DBX2: variants seen among roughly 807,000 people sequenced by gnomAD.
The protein encoded by DBX2 is developing brain homeobox 2.
DBX2 carries 16 observed loss-of-function variants against 17.7 expected under a neutral mutation model. The observed-to-expected ratio is 0.90, with a 90% CI of 0.61 to 1.37. The LOEUF (loss-of-function observed/expected upper bound fraction) is 1.37. DBX2 is among the 40% of genes most tolerant of loss of function. The pLI, the probability that DBX2 is intolerant of heterozygous loss-of-function variation, is 0.00. For missense variants in DBX2, 538 were observed against 433.8 expected (o/e 1.24, Z -2.13); for synonymous variants, 255 against 183.8 (o/e 1.39, Z -3.13).
In DBX2 at chr12:45,051,028, C is replaced by A. The variant is rs1946531539; in HGVS notation, c.-101G>T. The A allele has an allele frequency of 7.7e-7, 1 of 1,290,680 alleles. No individual in the cohort carries two copies. Among genetic ancestry groups the A allele is most frequent in the Non-Finnish European group, 9.8e-7 (1 of 1,019,696 alleles). The allele number at this position is 1,290,680 out of a possible 1,614,324, so 80.0% of individuals were successfully genotyped here. ...AGCCGCAGCTTCTCGCCGCCGCCTC[C>A]CGCAGGGCTGGAGCGCGCGGAGCCA... On this transcript the variant is annotated 5_prime_UTR_variant, in exon 1 of 4. Transcript: ENST00000332700.
chr12:45,023,386 C>T (rs1239805498), intron 3 of DBX2, among the ~76,000 whole-genome samples: 1 of 152,144 alleles, frequency 6.6e-6, no homozygotes, highest in African/African-American at 2.4e-5. Context: ...AATGTAATTA[C>T]CACATCCTTA....
chr12:45,025,667 G>A (rs369713039), intron 2 of DBX2, among the ~76,000 whole-genome samples: 1 of 150,898 alleles, frequency 6.6e-6, no homozygotes, highest in East Asian at 2.0e-4. Context: ...CAGCTACTAT[G>A]TAACATAGCA....
intron 1 of DBX2, among the ~76,000 whole-genome samples, chr12:45,046,681 T>C (rs1946502126): frequency 6.6e-6 from 1 of 152,220 alleles, no homozygotes; most frequent in Non-Finnish European, 1.5e-5. Context: ...AACTACCGTT[T>C]GCAGCACCAG....
intron 2 of DBX2, among the ~76,000 whole-genome samples, chr12:45,028,665 C>T (rs1434252162): frequency 6.6e-6 from 1 of 152,110 alleles, no homozygotes; most frequent in Non-Finnish European, 1.5e-5. Context: ...GCATCGTGAA[C>T]CCAAACTAGC....
intron 3 of DBX2, among the ~76,000 whole-genome samples, chr12:45,017,735 T>C (rs1404565289): frequency 6.6e-6 from 1 of 152,228 alleles, no homozygotes; most frequent in Non-Finnish European, 1.5e-5. Context: ...CTTTATACAC[T>C]GTGTAGTCAA....
chr12:45,024,026 G>T, intron 2 of DBX2, 132 bp from the exon 3 acceptor site: 1 of 856,886 alleles, frequency 1.2e-6, no homozygotes, highest in East Asian at 3.1e-5. Context: ...CTCACTTAAA[G>T]CAGTACTTCC....
In DBX2 at chr12:45,022,005, C is replaced by G. The variant is rs114847368; in HGVS notation, c.687+1702G>C. Reference sequence around the variant, plus strand: ...CCACAGTGTCTTGCACACAACAGACCATCAAGATCTGGCTGCTGATTTATC... The same window carrying G: ...CCACAGTGTCTTGCACACAACAGACGATCAAGATCTGGCTGCTGATTTATC... On this transcript the variant is annotated intron_variant, in intron 3 of 3. Coordinates refer to ENST00000332700, the MANE Select transcript of DBX2 (RefSeq NM_001004329.3). 7.2e-3 allele frequency among the ~76,000 whole-genome samples: 1,102 copies of G among 152,216 alleles called. 12 individuals are homozygous for G. The highest frequency in any genetic ancestry group is 0.025 in the African/African-American group (1,037 of 41,528).
rs1946529117 is a variant in DBX2, at chr12:45,050,861, G to A, written c.67C>T (p.Leu23Phe). The A allele has an allele frequency of 1.3e-6, 2 of 1,536,082 alleles. No homozygotes were observed. Among genetic ancestry groups the A allele is most frequent in the Non-Finnish European group, 1.7e-6 (2 of 1,144,440 alleles). ...YWDVVASSAL[L>F]NLPAAPGFGN... Reference sequence around the variant, plus strand: ...AAGCCGGGCGCAGCGGGGAGGTTGAGGAGCGCGGAGGAAGCCACAACGTCC... The same window carrying A: ...AAGCCGGGCGCAGCGGGGAGGTTGAAGAGCGCGGAGGAAGCCACAACGTCC... The change falls in exon 1 of 4, where the codon CTC becomes TTC. Residue 23 changes from leucine (L) to phenylalanine (F), a missense_variant. Coordinates refer to ENST00000332700, the MANE Select transcript of DBX2 (RefSeq NM_001004329.3).
At chr12:45,016,646 A>G (rs373841698) in intron 3 of DBX2, 28 bp from the exon 4 acceptor site, 23 of 1,510,506 alleles carry the variant, frequency 1.5e-5, no homozygotes, top group Non-Finnish European at 1.9e-5. Flanking sequence ...GCACAAAATG[A>G]TCACTTATTC....
Position 45,016,219 on chromosome 12 carries a change from G to A in DBX2, c.*67C>T. Reference sequence around the variant, plus strand: ...CTAAGCACTGATGAGGTACAAGCTAGCTGGCATTAGAGTCCAGATGTTACT... The same window carrying A: ...CTAAGCACTGATGAGGTACAAGCTAACTGGCATTAGAGTCCAGATGTTACT... On this transcript the variant is annotated 3_prime_UTR_variant, in exon 4 of 4. Transcript: ENST00000332700. The A allele has an allele frequency of 6.8e-7, 1 of 1,475,136 alleles. No individual in the cohort carries two copies. Among genetic ancestry groups the A allele is most frequent in the Non-Finnish European group, 9.1e-7 (1 of 1,103,708 alleles). 91.4% of individuals were successfully genotyped at this position (1,475,136 alleles called of 1,614,324 possible). A position where few individuals can be genotyped will look rare whatever the true frequency, so the allele number is the denominator to read the frequency against.
At chr12:45,050,258 G>C (rs1007122312) in intron 1 of DBX2, among the ~76,000 whole-genome samples, 3 of 152,214 alleles carry the variant, frequency 2.0e-5, no homozygotes, top group Admixed American at 2.0e-4. Flanking sequence ...AAGTTAAGCA[G>C]CCCTACCACC....
chr12:45,043,853 G>A (rs1946484910), intron 1 of DBX2, among the ~76,000 whole-genome samples: 1 of 152,170 alleles, frequency 6.6e-6, no homozygotes, highest in African/African-American at 2.4e-5. Flanking sequence ...TATCTTACCA[G>A]TGCGCTTTTG....
intron 2 of DBX2, among the ~76,000 whole-genome samples, chr12:45,034,865 C>T (rs1442317498): frequency 6.6e-6 from 1 of 152,170 alleles, no homozygotes; most frequent in Non-Finnish European, 1.5e-5. Flanking sequence ...CTTGCCCAAG[C>T]CTTTTCCATG....
At chr12:45,047,402 A>C (rs1033677667) in intron 1 of DBX2, among the ~76,000 whole-genome samples, 1 of 152,030 alleles carries the variant, frequency 6.6e-6, no homozygotes, top group Admixed American at 6.6e-5. Context: ...TATTGCCCTA[A>C]ATGTGCCCCT....
intron 1 of DBX2, among the ~76,000 whole-genome samples, chr12:45,037,372 T>A (rs1002157998): frequency 1.3e-5 from 2 of 152,200 alleles, no homozygotes; most frequent in East Asian, 1.9e-4. Context: ...AGTCAAAAAA[T>A]TTTTTAGTAA....
intron 2 of DBX2, among the ~76,000 whole-genome samples, chr12:45,029,879 A>AATAAATAAAT (rs765850309): frequency 2.0e-4 from 28 of 143,208 alleles, no homozygotes; most frequent in Non-Finnish European, 3.5e-4. Context: ...AAAAATAATA[A>AATAAATAAAT]AAATAAATAA....
At position 45,050,841 on chromosome 12, in the gene DBX2, G is replaced by C; in HGVS notation, c.87C>G (p.Pro29=). Residue 29 remains proline, a synonymous_variant, in exon 1 of 4, where the codon CCC becomes CCG. Coordinates refer to ENST00000332700, the MANE Select transcript of DBX2 (RefSeq NM_001004329.3). ...AACTCTTGCCCAGGTTGCCAAAGCC[G>C]GGCGCAGCGGGGAGGTTGAGGAGCG... ...SSALLNLPAA[P]GFGNLGKSFL... 1.3e-6 allele frequency: 2 copies of C among 1,536,830 alleles called. No individual in the cohort carries two copies. The highest frequency in any genetic ancestry group is 1.2e-5 in the South Asian group (1 of 81,784).
intron 1 of DBX2, among the ~76,000 whole-genome samples, chr12:45,044,539 C>A (rs1185872389): frequency 2.6e-5 from 4 of 152,042 alleles, no homozygotes; most frequent in African/African-American, 9.7e-5. Context: ...ATGGCATGGT[C>A]CCTGAACACG....
At chr12:45,041,101 A>C (rs1032951926) in intron 1 of DBX2, among the ~76,000 whole-genome samples, 1 of 148,640 alleles carries the variant, frequency 6.7e-6, no homozygotes, top group African/African-American at 2.4e-5. Context: ...ATAATTAAGA[A>C]TATTATTATA....
Sources: gnomAD v4.1 joint callset for allele counts (sites outside exome capture counted in the v4.1 genomes callset) on GRCh38, gnomAD v4.1.1 for gene constraint, MANE v1.5 for transcripts, NCBI Gene and HGNC (gene_info 2026-07-23, HGNC 2026-07-21) for gene names.